OTOL1: variants seen among roughly 807,000 people sequenced by gnomAD.
OTOL1 encodes the protein otolin 1, also known as otolin-1.
Under a neutral mutation model 25.0 loss-of-function variants are expected in OTOL1, and 31 were observed. That is an observed-to-expected ratio of 1.24 (90% CI 0.93 to 1.67). The LOEUF (loss-of-function observed/expected upper bound fraction) is 1.67, where lower values mean the gene tolerates loss of function less well. Among genes scored for constraint, OTOL1 ranks in the 40% most tolerant of loss-of-function variants. The pLI is 0.00. For synonymous variants in OTOL1, 225 were observed against 210.3 expected, an observed-to-expected ratio of 1.07 and a Z score of -0.61; for missense variants, 654 against 587.7, an observed-to-expected ratio of 1.11 and a Z score of -1.17.
intron 2 of OTOL1, among the ~76,000 whole-genome samples, chr3:161,500,918 T>C (rs1718960105): frequency 6.6e-6 from 1 of 152,172 alleles, no homozygotes; most frequent in African/African-American, 2.4e-5. Context: ...GGGAGTCTAT[T>C]CTCACCACTT....
intron 1 of OTOL1, among the ~76,000 whole-genome samples, chr3:161,498,561 C>T (rs575417305): frequency 6.6e-6 from 1 of 152,262 alleles, no homozygotes; most frequent in East Asian, 1.9e-4. Flanking sequence ...AAGGAAGCCT[C>T]TGATCTCATC....
chr3:161,503,075 GA>G lies in OTOL1; in HGVS notation c.570del (p.Gly191AspfsTer71). On this transcript the variant is annotated frameshift_variant, in exon 4 of 4. Transcript: ENST00000327928. LOFTEE classifies it low-confidence loss of function (END_TRUNC). ...AAGGAAACATTGGTTTGGGAGGAGTGAAAGGACAAAAAGGCTCCAAGGGAGA... is the reference window on the plus strand; with the variant it reads ...AAGGAAACATTGGTTTGGGAGGAGTGAAGGACAAAAAGGCTCCAAGGGAGA... ...DKGNIGLGGV[K>X]GQKGSKGDTC... 5.7e-6 allele frequency: 8 copies of G among 1,392,046 alleles called. No homozygotes were observed. Among genetic ancestry groups the G allele is most frequent in the Non-Finnish European group, 7.5e-6 (8 of 1,069,876 alleles). 86.2% of individuals were successfully genotyped at this position (1,392,046 alleles called of 1,614,324 possible). A position where few individuals can be genotyped will look rare whatever the true frequency, so the allele number is the denominator to read the frequency against.
Position 161,503,688 on chromosome 3 carries a change from A to G in OTOL1, c.1180A>G (p.Ile394Val), listed in dbSNP as rs1354635544. 6.2e-7 allele frequency: 1 copy of G among 1,613,698 alleles called. No individual in the cohort carries two copies. Among genetic ancestry groups the G allele is most frequent in the South Asian group, 1.1e-5 (1 of 91,042 alleles). Residue 394 changes from isoleucine (I) to valine (V), a missense_variant, in exon 4 of 4, where the codon ATT becomes GTT. By Grantham distance (29) the Ile-to-Val change is conservative. Transcript: ENST00000327928. ...TGGGACATATGTTTTTTCCTACCAT[A>G]TTACGGTGAGGGGGCGACCTGCTCG... ...IPGTYVFSYH[I>V]TVRGRPARIS...
intron 1 of OTOL1, among the ~76,000 whole-genome samples, chr3:161,498,255 G>T (rs1375196511): frequency 6.6e-6 from 1 of 152,150 alleles, no homozygotes; most frequent in Admixed American, 6.6e-5. Context: ...TAAACTATTT[G>T]CTAAGGCTGT....
chr3:161,497,223 G>C (rs964726656), intron 1 of OTOL1, 52 bp downstream of exon 1: 308 of 1,546,128 alleles, frequency 2.0e-4, no homozygotes, highest in Non-Finnish European at 1.5e-4. Context: ...TGGTAGAGTT[G>C]AGAGGTAGGT....
rs537250833 is a variant in OTOL1 at position 161,500,605 on chromosome 3, A to G, written c.454+1345A>G. Among the ~76,000 whole-genome samples the G allele has an allele frequency of 7.9e-4, 120 of 152,282 alleles. No individual in the cohort carries two copies. The Middle Eastern group carries it at 0.034, about 43-fold the overall frequency. ...TTGAATGATTCCATTCTAGTTAATC[A>G]TTACCTGGTTGAGTAAATTAGGGGA... On this transcript the variant is annotated intron_variant, in intron 2 of 3. Coordinates refer to ENST00000327928, the MANE Select transcript of OTOL1 (RefSeq NM_001080440.1).
chr3:161,497,061 C>T lies in OTOL1; in HGVS notation c.254C>T (p.Ser85Phe). ...LDSVFGTATLSPFENFTLDPA... is the reference protein window; with the variant it reads ...LDSVFGTATLFPFENFTLDPA... ...TCTGTCTTTGGCACTGCCACTCTCT[C>T]TCCCTTTGAAAACTTCACTCTTGAC... The change falls in exon 1 of 4, where the codon TCT becomes TTT. Residue 85 changes from serine to phenylalanine, a missense_variant. Transcript: ENST00000327928. 1.2e-6 allele frequency: 2 copies of T among 1,613,778 alleles called. No homozygotes were observed. The highest frequency in any genetic ancestry group is 1.7e-6 in the Non-Finnish European group (2 of 1,179,710).
chr3:161,500,455 T>C (rs1718948209), intron 2 of OTOL1, among the ~76,000 whole-genome samples: 1 of 152,176 alleles, frequency 6.6e-6, no homozygotes, highest in South Asian at 2.1e-4. Context: ...GAATACACTT[T>C]GATGAAGGAT....
In OTOL1 at chr3:161,496,965, A is replaced by G. The variant is rs186040503; in HGVS notation, c.158A>G (p.Glu53Gly). The G allele has an allele frequency of 1.4e-4, 226 of 1,613,506 alleles. No homozygotes were observed. The African/African-American group carries it at 2.6e-3, about 19-fold the overall frequency. ...AAGCCATCCAGTGGCCCACCTCCAG[A>G]AGAAGAAGAAACCCTCTTCACAGAA... ...GLKPSSGPPP[E>G]EEETLFTEMA... Residue 53 changes from glutamate (E) to glycine (G), a missense_variant, in exon 1 of 4, where the codon GAA (glutamate) becomes GGA (glycine). Glu to Gly is a moderately conservative substitution (Grantham distance 98). Transcript: ENST00000327928.
At chr3:161,502,246 G>A in intron 2 of OTOL1, 61 bp from the exon 3 acceptor site, 1 of 1,393,606 alleles carries the variant, frequency 7.2e-7, no homozygotes, top group Non-Finnish European at 1.0e-6. Context: ...GTTGTGAGAG[G>A]AATATTAAAT....
Position 161,497,177 on chromosome 3 carries a change from A to C in OTOL1, c.364+6A>C. On this transcript the variant is annotated splice_donor_region_variant and intron_variant, in intron 1 of 3. Coordinates refer to ENST00000327928, the MANE Select transcript of OTOL1 (RefSeq NM_001080440.1). ...TGGAGAGACTGGACAGCCAGGTATTAGAAAATATAAGAAGTCATGTTTCTC... is the reference window on the plus strand; with the variant it reads ...TGGAGAGACTGGACAGCCAGGTATTCGAAAATATAAGAAGTCATGTTTCTC... 6.3e-7 allele frequency: 1 copy of C among 1,597,698 alleles called. No homozygotes were observed.
intron 2 of OTOL1, among the ~76,000 whole-genome samples, chr3:161,499,577 G>A (rs545448940): frequency 6.6e-6 from 1 of 152,226 alleles, no homozygotes; most frequent in Admixed American, 6.5e-5. Context: ...AGGGTATAGA[G>A]ATACCCTTCC....
intron 1 of OTOL1, among the ~76,000 whole-genome samples, chr3:161,497,842 A>G (rs1166480991): frequency 2.6e-5 from 4 of 152,118 alleles, no homozygotes; most frequent in Admixed American, 2.6e-4. Flanking sequence ...TAATGAATAT[A>G]GTCTTGGCTT....
In OTOL1 at chr3:161,499,201, TC is replaced by T. The variant is rs1339569105; in HGVS notation, c.398del (p.Pro133GlnfsTer57). 1.2e-6 allele frequency: 2 copies of T among 1,611,288 alleles called. No homozygotes were observed. The highest frequency in any genetic ancestry group is 3.4e-5 in the Admixed American group (2 of 59,650). On this transcript the variant is annotated frameshift_variant, in exon 2 of 4. Coordinates refer to ENST00000327928, the MANE Select transcript of OTOL1 (RefSeq NM_001080440.1). LOFTEE classifies it high-confidence loss of function. ...GPKGEAGNLG[I>X]PGPPGVVGPQ... ...AAAGGAGAGGCTGGAAATTTGGGGA[TC>T]CCAGGGCCACCAGGAGTTGTTGGGC...
intron 1 of OTOL1, among the ~76,000 whole-genome samples, chr3:161,497,451 G>C (rs62278291): frequency 2.0e-5 from 3 of 152,094 alleles, no homozygotes; most frequent in Non-Finnish European, 4.4e-5. Context: ...AGCACAGATA[G>C]CATTTCCATC....
At position 161,503,060 on chromosome 3, in the gene OTOL1, T is replaced by C. The variant is rs768039410; in HGVS notation, c.552T>C (p.Ile184=). 22 of 1,363,492 alleles carry C rather than the reference T, an allele frequency of 1.6e-5. 1 individual carries two copies. Among genetic ancestry groups the C allele is most frequent in the Non-Finnish European group, 2.1e-5 (22 of 1,053,448 alleles). 84.5% of individuals were successfully genotyped at this position (1,363,492 alleles called of 1,614,324 possible). ...EPGPKGDKGN[I]GLGGVKGQKG... is the part of the protein sequence containing the mutation. ...GCCCTAAGGGAGATAAAGGAAACAT[T>C]GGTTTGGGAGGAGTGAAAGGACAAA... Residue 184 remains isoleucine (I), a synonymous_variant, in exon 4 of 4, where the codon ATT becomes ATC. Coordinates refer to ENST00000327928, the MANE Select transcript of OTOL1 (RefSeq NM_001080440.1).
chr3:161,502,935 G>T, intron 3 of OTOL1, 91 bp from the exon 4 acceptor site: 2 of 998,768 alleles, frequency 2.0e-6, no homozygotes, highest in Non-Finnish European at 2.7e-6. Flanking sequence ...CTAATTAGTA[G>T]GTTTGTTTCT....
chr3:161,497,118 G>T lies in OTOL1; in HGVS notation c.311G>T (p.Cys104Phe), dbSNP rs151230822. ...PADFFLNCCD[C>F]CSPVPGQKGE... ...GATTTCTTTTTGAATTGTTGTGATTGTTGTTCACCTGTACCCGGGCAGAAA... is the reference window on the plus strand; with the variant it reads ...GATTTCTTTTTGAATTGTTGTGATTTTTGTTCACCTGTACCCGGGCAGAAA... Residue 104 changes from cysteine to phenylalanine, a missense_variant, in exon 1 of 4, where the codon TGT becomes TTT. Physicochemically the swap from Cys to Phe is radical, Grantham distance 205. Coordinates refer to ENST00000327928, the MANE Select transcript of OTOL1 (RefSeq NM_001080440.1). 6.2e-7 allele frequency: 1 copy of T among 1,613,510 alleles called. No individual in the cohort carries two copies. Among genetic ancestry groups the T allele is most frequent in the East Asian group, 2.2e-5 (1 of 44,880 alleles).
At chr3:161,497,792 G>T (rs1399743657) in intron 1 of OTOL1, among the ~76,000 whole-genome samples, 1 of 152,010 alleles carries the variant, frequency 6.6e-6, no homozygotes, top group Non-Finnish European at 1.5e-5. Flanking sequence ...GAACACCATG[G>T]TTATGTATTT....
Sources: gnomAD v4.1 joint callset for allele counts (sites outside exome capture counted in the v4.1 genomes callset) on GRCh38, gnomAD v4.1.1 for gene constraint, MANE v1.5 for transcripts, NCBI Gene and HGNC (gene_info 2026-07-23, HGNC 2026-07-21) for gene names.